The following RNF19A variants were observed in gnomAD, a reference collection of about 807,000 sequenced individuals.
The protein encoded by RNF19A is ring finger protein 19A, RBR E3 ubiquitin protein ligase.
RNF19A carries 32 observed loss-of-function variants against 75.7 expected under a neutral mutation model. The observed-to-expected ratio is 0.42, with a 90% CI of 0.32 to 0.57. RNF19A has a LOEUF of 0.57. RNF19A is among the 20% of genes least tolerant of loss of function. The pLI, the probability that RNF19A is intolerant of heterozygous loss-of-function variation, is 0.10. For synonymous variants in RNF19A, 335 were observed against 345.2 expected, an observed-to-expected ratio of 0.97 and a Z score of 0.33; for missense variants, 782 against 1,036.3, an observed-to-expected ratio of 0.75 and a Z score of 3.37.
At position 100,264,742 on chromosome 8, in the gene RNF19A, C is replaced by T. The variant is rs141096913; in HGVS notation, c.1235G>A (p.Arg412Gln). ...YEGKDVSKHK[R>Q]NLAIAGGVTL... ...TACACCACCTGCTATGGCCAAATTC[C>T]GTTTGTGCTTTGAAACATCCTTGCC... The change falls in exon 6 of 10, where the codon CGG (arginine) becomes CAG (glutamine). Residue 412 changes from arginine (R) to glutamine (Q), a missense_variant. Around this residue, in one of 7 missense-constraint regions of RNF19A, gnomAD observed 442 missense variants for 541.6 expected, o/e 0.82. Coordinates refer to ENST00000341084, the MANE Select transcript of RNF19A (RefSeq NM_183419.4). The surrounding 1 kb of genome is among the most constrained non-coding windows in gnomAD (Gnocchi z 4.7). 10 of 1,613,470 alleles carry T rather than the reference C, an allele frequency of 6.2e-6. No individual in the cohort carries two copies. Among genetic ancestry groups the T allele is most frequent in the African/African-American group, 5.3e-5 (4 of 74,868 alleles).
chr8:100,319,065 T>TTATTGAAAAAAA lies in RNF19A; in HGVS notation c.-242-5694_-242-5693insTTTTTTTCAATA, dbSNP rs1413583557. On this transcript the variant is annotated intron_variant, in intron 1 of 3. Coordinates refer to the RNF19A transcript ENST00000519527. Reference sequence around the variant, plus strand: ...TAAAGCTGAATAAAGAAATTCACCGTAATCAAATTACTGAGGAATATATTT... The same window carrying TTATTGAAAAAAA: ...TAAAGCTGAATAAAGAAATTCACCGTTATTGAAAAAAAAATCAAATTACTGAGGAATATATTT... Among the ~76,000 whole-genome samples, 38 of 152,230 alleles carry TTATTGAAAAAAA rather than the reference T, an allele frequency of 2.5e-4. 1 individual carries two copies. Among genetic ancestry groups the TTATTGAAAAAAA allele is most frequent in the Admixed American group, 2.5e-3 (38 of 15,274 alleles).
chr8:100,326,061 G>A (rs564317723), intron 1 of RNF19A, among the ~76,000 whole-genome samples: 1 of 152,218 alleles, frequency 6.6e-6, no homozygotes, highest in African/African-American at 2.4e-5. Flanking sequence ...AAAGCCTTCA[G>A]AAGTGCCTGT....
rs967769440 is a variant in RNF19A at position 100,299,763 on chromosome 8, T to TA, written c.-94+10103dup. Among the ~76,000 whole-genome samples, 28 of 149,136 alleles carry TA rather than the reference T, an allele frequency of 1.9e-4. No individual in the cohort carries two copies. The East Asian group carries it at 5.1e-3, about 27-fold the overall frequency. ...ACAAGAGCAAAACTCTGTCTCAAAA[T>TA]AAAAAAAAGAAAAAAAAAAGTATTA... On this transcript the variant is annotated intron_variant, in intron 1 of 9. Transcript: ENST00000341084.
At chr8:100,311,248 C>T (rs992374394), upstream of RNF19A, among the ~76,000 whole-genome samples, 1 of 152,136 alleles carries the variant, frequency 6.6e-6, no homozygotes, top group Non-Finnish European at 1.5e-5. Context: ...GGCCTCGAAT[C>T]TTAAAGGAAG....
Position 100,259,134 on chromosome 8 carries a change from C to T in RNF19A, c.1939G>A (p.Gly647Ser). The T allele has an allele frequency of 1.2e-6, 2 of 1,614,204 alleles. No individual in the cohort carries two copies. The highest frequency in any genetic ancestry group is 1.7e-6 in the Non-Finnish European group (2 of 1,180,028). ...TCAGGCAAGCCACTGGATGAACCGC[C>T]AGCATGACTTCGGGTGGCACTGCCA... is the stretch of plus-strand genomic sequence containing the variant. ...DDGSATRSHA[G>S]GSSSGLPEGK... The change falls in exon 10 of 10, where the codon GGC becomes AGC. Residue 647 changes from glycine to serine, a missense_variant. By Grantham distance (56) the Gly-to-Ser change is moderately conservative. Coordinates refer to ENST00000341084, the MANE Select transcript of RNF19A (RefSeq NM_183419.4). The surrounding 1 kb of genome is among the most constrained non-coding windows in gnomAD (Gnocchi z 4.5).
chr8:100,297,747 C>A (rs1821636439), intron 1 of RNF19A, among the ~76,000 whole-genome samples: 1 of 152,142 alleles, frequency 6.6e-6, no homozygotes, highest in South Asian at 2.1e-4. Context: ...TTATTGTGTT[C>A]CACCATGAGA....
chr8:100,293,064 G>A (rs762572010), intron 1 of RNF19A, among the ~76,000 whole-genome samples: 3 of 152,106 alleles, frequency 2.0e-5, no homozygotes, highest in Non-Finnish European at 4.4e-5. Flanking sequence ...AGTGCAGTTC[G>A]CAATACTCCT....
chr8:100,309,556 A>T, intron 1 of RNF19A: 1 of 981,988 alleles, frequency 1.0e-6, no homozygotes, highest in Non-Finnish European at 1.2e-6. Flanking sequence ...CCGGCCGCAC[A>T]GGCACCAGGA....
intron 2 of RNF19A, among the ~76,000 whole-genome samples, chr8:100,283,710 A>G (rs548186322): frequency 1.3e-5 from 2 of 152,220 alleles, no homozygotes; most frequent in Non-Finnish European, 2.9e-5. Context: ...TTAATGTCAG[A>G]TACAGAAAAT....
At chr8:100,277,492 T>C (rs1820582012) in intron 2 of RNF19A, among the ~76,000 whole-genome samples, 2 of 152,282 alleles carry the variant, frequency 1.3e-5, no homozygotes, top group South Asian at 4.1e-4. Flanking sequence ...TTTTGCATTT[T>C]TAGTAGAGAC....
chr8:100,264,522 G>T lies in RNF19A; in HGVS notation c.1306+149C>A. On this transcript the variant is annotated intron_variant, in intron 6 of 9. Transcript: ENST00000341084. The surrounding 1 kb of genome is among the most constrained non-coding windows in gnomAD (Gnocchi z 4.7). Reference sequence around the variant, plus strand: ...AATTTACCAACTACTTTAAGGCTAGGCTCTTGAATCTGTAATACTTTCAAC... The same window carrying T: ...AATTTACCAACTACTTTAAGGCTAGTCTCTTGAATCTGTAATACTTTCAAC... 1.6e-6 allele frequency: 1 copy of T among 621,280 alleles called. No individual in the cohort carries two copies. The highest frequency in any genetic ancestry group is 2.8e-6 in the Non-Finnish European group (1 of 357,142). The allele number at this position is 621,280 out of a possible 1,614,324, so 38.5% of individuals were successfully genotyped here. A position where few individuals can be genotyped will look rare whatever the true frequency, so the allele number is the denominator to read the frequency against.
intron 1 of RNF19A, among the ~76,000 whole-genome samples, chr8:100,320,906 G>A (rs562932091): frequency 1.3e-5 from 2 of 152,278 alleles, no homozygotes; most frequent in East Asian, 3.9e-4. Flanking sequence ...GGGCTATTAA[G>A]TGTGCAATAG....
At chr8:100,297,900 G>A (rs759670033) in intron 1 of RNF19A, among the ~76,000 whole-genome samples, 1 of 152,160 alleles carries the variant, frequency 6.6e-6, no homozygotes, top group Non-Finnish European at 1.5e-5. Context: ...TAGTGATAGA[G>A]TATATTTTGT....
chr8:100,320,292 A>G (rs1051188726), intron 1 of RNF19A, among the ~76,000 whole-genome samples: 6 of 152,192 alleles, frequency 3.9e-5, no homozygotes, highest in Admixed American at 2.6e-4. Flanking sequence ...TTTTTAAAAA[A>G]CAACAACAAC....
rs538537904 is a variant in RNF19A, at chr8:100,291,474, T to G, written c.-93-3207A>C. Among the ~76,000 whole-genome samples, 3 of 152,330 alleles carry G rather than the reference T, an allele frequency of 2.0e-5. No homozygotes were observed. The East Asian group carries it at 5.8e-4, about 29-fold the overall frequency. On this transcript the variant is annotated intron_variant, in intron 1 of 9. Coordinates refer to ENST00000341084, the MANE Select transcript of RNF19A (RefSeq NM_183419.4). ...ACCTTCAGAAGTGCTTCAGGATTCG[T>G]AAAACATGTTAAGTATCCTGACACT...
At chr8:100,274,514 A>C (rs1170477959) in intron 3 of RNF19A, among the ~76,000 whole-genome samples, 2 of 152,200 alleles carry the variant, frequency 1.3e-5, no homozygotes, top group Non-Finnish European at 2.9e-5. Flanking sequence ...CTAGTAGCAT[A>C]AAGTACATGA....
In RNF19A at chr8:100,324,067, C is replaced by T. The variant is rs771223618; in HGVS notation, c.-242-10695G>A. ...CCAAGGACATGAGGGAAAAACTGAA[C>T]AATTACTACAGAGCTGTGATTTTGA... On this transcript the variant is annotated intron_variant, in intron 1 of 3. Transcript: ENST00000519527. The surrounding 1 kb of genome is among the most constrained non-coding windows in gnomAD (Gnocchi z 4.2). Among the ~76,000 whole-genome samples the T allele has an allele frequency of 3.9e-5, 6 of 152,138 alleles. No homozygotes were observed. The highest frequency in any genetic ancestry group is 7.4e-5 in the Non-Finnish European group (5 of 68,016).
intron 2 of RNF19A, among the ~76,000 whole-genome samples, chr8:100,276,479 T>C (rs950469986): frequency 6.6e-6 from 1 of 151,948 alleles, no homozygotes; most frequent in Admixed American, 6.6e-5. Context: ...AGGCCAGGCA[T>C]GGTGGCTCAC....
chr8:100,277,778 A>T (rs1820594858), intron 2 of RNF19A, among the ~76,000 whole-genome samples: 1 of 143,840 alleles, frequency 7.0e-6, no homozygotes, highest in African/African-American at 2.6e-5. Flanking sequence ...CAGATAAAGA[A>T]AAAAGACCCT....
Sources: gnomAD v4.1 joint callset for allele counts (sites outside exome capture counted in the v4.1 genomes callset) on GRCh38, gnomAD v4.1.1 for gene constraint, gnomAD v4.1.1 regional missense constraint, Gnocchi (gnomAD v3.1) non-coding constraint, MANE v1.5 for transcripts, NCBI Gene and HGNC (gene_info 2026-07-23, HGNC 2026-07-21) for gene names.